The following COL21A1 variants were observed in gnomAD, a reference collection of about 807,000 sequenced individuals.
COL21A1 encodes the protein collagen alpha-1(XXI) chain.
Under a neutral mutation model 137.9 loss-of-function variants are expected in COL21A1, and 149 were observed. The ratio of observed to expected loss-of-function variants is 1.08; its 90% CI spans 0.95 to 1.24. COL21A1 has a LOEUF of 1.24. COL21A1 is among the 50% of genes most tolerant of loss of function. The pLI is 0.00. For missense variants in COL21A1, 1,167 were observed against 1,158.4 expected (o/e 1.01, Z -0.11); for synonymous variants, 456 against 391.5 (o/e 1.16, Z -1.95).
chr6:56,245,020 G>A (rs749060166), intron 1 of COL21A1, among the ~76,000 whole-genome samples: 1 of 152,150 alleles, frequency 6.6e-6, no homozygotes, highest in African/African-American at 2.4e-5. Context: ...CTTTTTGCCA[G>A]TTTAGGCTTG....
intron 9 of COL21A1, among the ~76,000 whole-genome samples, chr6:56,161,763 G>A (rs952217908): frequency 2.6e-5 from 4 of 152,080 alleles, no homozygotes; most frequent in Non-Finnish European, 5.9e-5. Context: ...ACAATGATAA[G>A]TCTAAGTGTG....
chr6:56,202,226 G>T (rs962233942), intron 1 of COL21A1, among the ~76,000 whole-genome samples: 4 of 152,246 alleles, frequency 2.6e-5, no homozygotes, highest in African/African-American at 9.6e-5. Context: ...AAATGCAGGG[G>T]TAAAGGCATC....
At chr6:56,183,104 T>C (rs1052103487) in intron 1 of COL21A1, among the ~76,000 whole-genome samples, 1 of 152,226 alleles carries the variant, frequency 6.6e-6, no homozygotes, top group Non-Finnish European at 1.5e-5. Context: ...TAAAATAAGA[T>C]GTAATTGTAA....
chr6:56,221,081 G>A (rs1780798105), intron 1 of COL21A1, among the ~76,000 whole-genome samples: 1 of 152,064 alleles, frequency 6.6e-6, no homozygotes, highest in South Asian at 2.1e-4. Context: ...CTCAACTACT[G>A]GCATTTGAAA....
chr6:56,227,243 C>T (rs1359736319), intron 1 of COL21A1, among the ~76,000 whole-genome samples: 2 of 152,110 alleles, frequency 1.3e-5, no homozygotes, highest in East Asian at 1.9e-4. Context: ...AATGAATGTG[C>T]TGTGTAATAT....
At chr6:56,251,629 T>C (rs1010420802), upstream of COL21A1, among the ~76,000 whole-genome samples, 1 of 152,246 alleles carries the variant, frequency 6.6e-6, no homozygotes, top group Non-Finnish European at 1.5e-5. Context: ...TTATTTGGCA[T>C]ACTTTTTCTA....
At chr6:56,198,197 T>C (rs760589167) in intron 1 of COL21A1, among the ~76,000 whole-genome samples, 5 of 152,042 alleles carry the variant, frequency 3.3e-5, no homozygotes, top group East Asian at 1.9e-4. Flanking sequence ...GAGTAGAATG[T>C]TGATTAACCC....
intron 17 of COL21A1, among the ~76,000 whole-genome samples, chr6:56,097,677 G>A (rs963595258): frequency 1.4e-5 from 2 of 147,492 alleles, no homozygotes; most frequent in Non-Finnish European, 3.0e-5. Flanking sequence ...ATCAGTGTCT[G>A]CTTGGCGATA....
chr6:56,367,863 C>T (rs184864444), intron 1 of COL21A1, among the ~76,000 whole-genome samples: 46 of 152,284 alleles, frequency 3.0e-4, no homozygotes, highest in African/African-American at 6.0e-4. Flanking sequence ...TACAGGCATA[C>T]GCCTCTGTGC....
intron 1 of COL21A1, among the ~76,000 whole-genome samples, chr6:56,289,430 T>C (rs1763988038): frequency 6.6e-6 from 1 of 152,118 alleles, no homozygotes; most frequent in African/African-American, 2.4e-5. Flanking sequence ...CTATAATAAG[T>C]AGCAAACAAA....
chr6:56,142,637 T>C (rs1238953732), intron 10 of COL21A1, among the ~76,000 whole-genome samples: 6 of 152,188 alleles, frequency 3.9e-5, no homozygotes, highest in African/African-American at 1.4e-4. Flanking sequence ...AGTTGAACTA[T>C]TTATTGTTGG....
At chr6:56,157,087 A>G (rs1165601355) in intron 9 of COL21A1, 138 bp from the exon 10 acceptor site, 6 of 556,394 alleles carry the variant, frequency 1.1e-5, no homozygotes, top group Non-Finnish European at 1.9e-5. Context: ...AAAAAAAGCC[A>G]TATTTTAAAT....
chr6:56,380,447 C>A (rs1413718098), intron 1 of COL21A1, among the ~76,000 whole-genome samples: 1 of 152,082 alleles, frequency 6.6e-6, no homozygotes, highest in African/African-American at 2.4e-5. Flanking sequence ...TTTTTGTAAA[C>A]CCTTTAAATA....
At chr6:56,175,778 A>G (rs1777422155) in intron 3 of COL21A1, among the ~76,000 whole-genome samples, 1 of 152,208 alleles carries the variant, frequency 6.6e-6, no homozygotes, top group Admixed American at 6.5e-5. Flanking sequence ...TAGAAAAAGC[A>G]TTCCTAAAAT....
chr6:56,074,876 T>C (rs1169765511), intron 19 of COL21A1, among the ~76,000 whole-genome samples: 1 of 151,362 alleles, frequency 6.6e-6, no homozygotes, highest in Admixed American at 6.6e-5. Context: ...GAAAAGGGAT[T>C]AAAAAATTAT....
intron 16 of COL21A1, among the ~76,000 whole-genome samples, chr6:56,117,573 C>T (rs982583975): frequency 3.3e-5 from 5 of 151,980 alleles, no homozygotes; most frequent in African/African-American, 1.2e-4. Context: ...ATCTGCACTA[C>T]AGACCAAACG....
chr6:56,308,080 A>G (rs1038118325), intron 1 of COL21A1, among the ~76,000 whole-genome samples: 2 of 152,246 alleles, frequency 1.3e-5, no homozygotes, highest in African/African-American at 4.8e-5. Context: ...TCAAGTGCTG[A>G]AACTAAATCC....
chr6:56,223,460 AAAC>A (rs1271896246), intron 1 of COL21A1, among the ~76,000 whole-genome samples: 1 of 152,118 alleles, frequency 6.6e-6, no homozygotes, highest in Non-Finnish European at 1.5e-5. Context: ...TTAAATTTAA[AAAC>A]TATATTAAAT....
At chr6:56,285,782 C>T (rs1763897318) in intron 1 of COL21A1, among the ~76,000 whole-genome samples, 1 of 149,598 alleles carries the variant, frequency 6.7e-6, no homozygotes, top group Non-Finnish European at 1.5e-5. Flanking sequence ...CTGCTAACCC[C>T]TCCCCCACCC....
Sources: allele counts gnomAD v4.1 joint callset (sites outside exome capture counted in the v4.1 genomes callset), GRCh38; gene constraint gnomAD v4.1.1; transcripts MANE v1.5; gene names NCBI Gene and HGNC (gene_info 2026-07-23, HGNC 2026-07-21).